Variants in SPG7 observed in about 807,000 individuals in gnomAD.
SPG7 encodes the protein SPG7 matrix AAA peptidase subunit, paraplegin.
In SPG7, 103 loss-of-function variants were observed where a neutral mutation model predicts 81.9. That is an observed-to-expected ratio of 1.26 (90% CI 1.07 to 1.48). The LOEUF is 1.48. SPG7 is among the 40% of genes most tolerant of loss of function. The pLI, the probability that SPG7 is intolerant of heterozygous loss-of-function variation, is 0.00. For missense variants in SPG7, 1,241 were observed against 1,087.3 expected (o/e 1.14, Z -1.99); for synonymous variants, 534 against 444.2 (o/e 1.20, Z -2.54).
In SPG7 at chr16:89,536,591, GAGGCAGGTGA is replaced by G. The variant is rs1567919036; in HGVS notation, c.1324+3956_1324+3965del. Among the ~76,000 whole-genome samples the G allele has an allele frequency of 1.8e-3, 259 of 144,738 alleles. 10 individuals are homozygous for G. The highest frequency in any genetic ancestry group is 6.0e-3 in the African/African-American group (229 of 38,334). 95.0% of individuals were successfully genotyped at this position (144,738 alleles called of 152,430 possible). ...TGAGGTCAGGTGAGGCGGGTGAGGT[GAGGCAGGTGA>G]GGTGAGGTGGGTGAGGCGGGTGAGG... On this transcript the variant is annotated intron_variant, in intron 9 of 16. Coordinates refer to ENST00000645818, the MANE Select transcript of SPG7 (RefSeq NM_003119.4).
intron 12 of SPG7, chr16:89,548,994 A>G (rs2058601443): frequency 4.4e-6 from 2 of 455,562 alleles, no homozygotes; most frequent in Non-Finnish European, 8.8e-6. Context: ...CCAGGGCTTC[A>G]GCTTGGGAAA....
At position 89,532,050 on chromosome 16, in the gene SPG7, C is replaced by T. The variant is rs762445020; in HGVS notation, c.1134C>T (p.Phe378=). 8.1e-6 allele frequency: 13 copies of T among 1,612,692 alleles called. No individual in the cohort carries two copies. The highest frequency in any genetic ancestry group is 1.1e-5 in the Non-Finnish European group (13 of 1,179,954). ...VPFLAMAGPE[F]VEVIGGLGAA... is the part of the protein sequence containing the mutation. The stretch of plus-strand genomic sequence containing the variant: ...TCCTGGCGATGGCCGGCCCAGAGTT[C>T]GTGGAGGTCATTGGAGGTAGGTGCT... Residue 378 remains phenylalanine (F), a synonymous_variant, in exon 8 of 17, where the codon TTC becomes TTT. Transcript: ENST00000645818.
intron 9 of SPG7, chr16:89,537,339 G>A (rs886330521): frequency 1.5e-5 from 18 of 1,180,468 alleles, no homozygotes; most frequent in East Asian, 9.6e-5. Context: ...GGCGATGGAC[G>A]TCCAGGTCCC....
At chr16:89,544,554 C>G (rs113207534) in intron 9 of SPG7, 94 bp from the exon 10 acceptor site, 15 of 1,470,884 alleles carry the variant, frequency 1.0e-5, no homozygotes, top group African/African-American at 6.9e-5. Flanking sequence ...AGGGGGGTCT[C>G]TCTCCCTCCT....
chr16:89,511,795 C>G (rs1353073179), intron 2 of SPG7, among the ~76,000 whole-genome samples: 1 of 152,180 alleles, frequency 6.6e-6, no homozygotes, highest in Non-Finnish European at 1.5e-5. Context: ...TCTCTACTCA[C>G]TGCAGCTTCA....
At position 89,524,229 on chromosome 16, in the gene SPG7, C is replaced by T. The variant is rs775643030; in HGVS notation, c.600C>T (p.Ala200=). Residue 200 remains alanine, a synonymous_variant, in exon 4 of 17, where the codon GCC becomes GCT. Coordinates refer to ENST00000645818, the MANE Select transcript of SPG7 (RefSeq NM_003119.4). ...TGGAAGTCTACCTGCACCCTGGAGC[C>T]GTGGTGTTTGGGCGGCCTGTGAGTG... ...DVVEVYLHPG[A]VVFGRPRLAL... The T allele has an allele frequency of 7.4e-6, 12 of 1,611,200 alleles. No individual in the cohort carries two copies. Among genetic ancestry groups the T allele is most frequent in the Non-Finnish European group, 7.6e-6 (9 of 1,178,826 alleles).
At chr16:89,544,545 G>C in intron 9 of SPG7, 103 bp from the exon 10 acceptor site, 1 of 1,374,886 alleles carries the variant, frequency 7.3e-7, no homozygotes. Flanking sequence ...CTGGGCCTTA[G>C]GGGGGTCTCT....
intron 16 of SPG7, chr16:89,556,572 T>G: frequency 7.3e-6 from 3 of 413,730 alleles, no homozygotes; most frequent in Non-Finnish European, 9.0e-6. Flanking sequence ...GGGTTCAGCA[T>G]TTTACCCATC....
At chr16:89,524,970 T>G (rs2058241767) in intron 4 of SPG7, among the ~76,000 whole-genome samples, 1 of 147,880 alleles carries the variant, frequency 6.8e-6, no homozygotes, top group African/African-American at 2.5e-5. Flanking sequence ...TTTTTTTTTT[T>G]GGAGACAGAG....
At position 89,557,248 on chromosome 16, in the gene SPG7, T is replaced by C. The variant is rs1194402080; in HGVS notation, c.*155T>C. 1 of 615,922 alleles carries C rather than the reference T, an allele frequency of 1.6e-6. No individual in the cohort carries two copies. The highest frequency in any genetic ancestry group is 2.7e-5 in the East Asian group (1 of 36,380). 38.2% of individuals were successfully genotyped at this position (615,922 alleles called of 1,614,324 possible). On this transcript the variant is annotated 3_prime_UTR_variant, in exon 17 of 17. Coordinates refer to ENST00000645818, the MANE Select transcript of SPG7 (RefSeq NM_003119.4). ...GAGATCTGTTGATTGATGACCCTTT[T>C]CATGATTTTAAGTTTCTCTGCAGAA...
intron 9 of SPG7, chr16:89,532,926 T>TA: frequency 2.3e-6 from 1 of 435,254 alleles, no homozygotes; most frequent in Non-Finnish European, 4.3e-6. Context: ...TCTACAAAAA[T>TA]ACAAAAGTCA....
chr16:89,512,239 A>G (rs2058033343), intron 2 of SPG7, among the ~76,000 whole-genome samples: 1 of 150,750 alleles, frequency 6.6e-6, no homozygotes. Flanking sequence ...TGATTTGTTC[A>G]GATTTTGAGA....
At chr16:89,553,545 T>G (rs918065161) in intron 14 of SPG7, 5 of 563,180 alleles carry the variant, frequency 8.9e-6, no homozygotes, top group Non-Finnish European at 1.6e-5. Flanking sequence ...AGAACTGCCA[T>G]GCAGTGAGCT....
intron 9 of SPG7, chr16:89,543,312 C>T (rs2058522303): frequency 1.4e-5 from 2 of 141,576 alleles, no homozygotes; most frequent in Non-Finnish European, 3.1e-5. Flanking sequence ...CTTGTCGTAT[C>T]TTTACTTTTA....
At chr16:89,512,139 C>T (rs2058031779) in intron 2 of SPG7, among the ~76,000 whole-genome samples, 1 of 152,118 alleles carries the variant, frequency 6.6e-6, no homozygotes, top group South Asian at 2.1e-4. Context: ...TCTCGATCTC[C>T]TGACCTCGTG....
At chr16:89,523,675 G>C in intron 3 of SPG7, 1 of 464,110 alleles carries the variant, frequency 2.2e-6, no homozygotes, top group East Asian at 6.7e-5. Flanking sequence ...TCAACCTCCC[G>C]CCTCAGCCTC....
At chr16:89,510,055 A>C (rs1597600020) in intron 1 of SPG7, among the ~76,000 whole-genome samples, 1 of 151,406 alleles carries the variant, frequency 6.6e-6, no homozygotes, top group East Asian at 1.9e-4. Context: ...GCTTACTGCA[A>C]CCTCTGCCTC....
At chr16:89,521,065 T>A (rs1273751747) in intron 3 of SPG7, 1 of 152,220 alleles carries the variant, frequency 6.6e-6, no homozygotes, top group Non-Finnish European at 1.5e-5. Context: ...TCACAGAGCA[T>A]ATGGATTTTT....
chr16:89,543,295 G>C (rs2058522062), intron 9 of SPG7: 1 of 148,956 alleles, frequency 6.7e-6, no homozygotes, highest in Non-Finnish European at 1.5e-5. Context: ...CATTAGTCAA[G>C]GTAGGTCTTG....
Sources: gnomAD v4.1 joint callset for allele counts (sites outside exome capture counted in the v4.1 genomes callset) on GRCh38, gnomAD v4.1.1 for gene constraint, MANE v1.5 for transcripts, NCBI Gene and HGNC (gene_info 2026-07-23, HGNC 2026-07-21) for gene names.